Variants in PLPPR2 observed in about 807,000 individuals in gnomAD.
PLPPR2 encodes the protein phospholipid phosphatase-related protein type 2.
A neutral mutation model predicts 40.3 loss-of-function variants in PLPPR2; 11 were observed. The ratio of observed to expected loss-of-function variants is 0.27; its 90% CI spans 0.17 to 0.45. The LOEUF (loss-of-function observed/expected upper bound fraction) is 0.45, where lower values mean the gene tolerates loss of function less well. PLPPR2 is among the 20% of genes least tolerant of loss of function. The pLI is 1.00. For synonymous variants in PLPPR2, 260 were observed against 290.8 expected, an observed-to-expected ratio of 0.89 and a Z score of 1.08; for missense variants, 497 against 640.7, an observed-to-expected ratio of 0.78 and a Z score of 2.42.
chr19:11,360,147 A>G (rs915255287), intron 5 of PLPPR2, among the ~76,000 whole-genome samples, 191 bp downstream of exon 5: 10 of 152,164 alleles, frequency 6.6e-5, no homozygotes, highest in African/African-American at 2.4e-4. Flanking sequence ...CCTGGCCAAC[A>G]TGGCGAAACC....
intron 2 of PLPPR2, 100 bp from the exon 3 acceptor site, chr19:11,357,560 T>G: frequency 1.3e-6 from 1 of 756,874 alleles, no homozygotes. Flanking sequence ...GGGCCAGGGG[T>G]GTGGCCAAAG....
chr19:11,364,351 G>C lies in PLPPR2; in HGVS notation c.1020G>C (p.Ser340=), dbSNP rs146880923. Residue 340 remains serine, a synonymous_variant, in exon 10 of 10, where the codon TCG becomes TCC. Transcript: ENST00000688289. The surrounding 1 kb of genome is among the most constrained non-coding windows in gnomAD (Gnocchi z 5.8). ...STPARLTPSK[S]QNCARRGHLI... ...TATCTGGCTTCTGACCACCAGAGTC[G>C]CAGAACTGCGCCCGCCGTGGCCACC... The C allele has an allele frequency of 6.6e-7, 1 of 1,515,680 alleles. No individual in the cohort carries two copies. The highest frequency in any genetic ancestry group is 1.4e-5 in the African/African-American group (1 of 71,700). The allele number at this position is 1,515,680 out of a possible 1,614,324, so 93.9% of individuals were successfully genotyped here. A position where few individuals can be genotyped will look rare whatever the true frequency, so the allele number is the denominator to read the frequency against.
Position 11,364,132 on chromosome 19 carries a change from A to G in PLPPR2, c.964-29A>G, listed in dbSNP as rs1231817050. 1.2e-6 allele frequency: 2 copies of G among 1,600,414 alleles called. No homozygotes were observed. Among genetic ancestry groups the G allele is most frequent in the African/African-American group, 1.3e-5 (1 of 74,566 alleles). Reference sequence around the variant, plus strand: ...GGCCGGTAGGGCCCAGGGGGCCACTAGCCCCTTCCGTCTGTCTCTTTGTCT... The same window carrying G: ...GGCCGGTAGGGCCCAGGGGGCCACTGGCCCCTTCCGTCTGTCTCTTTGTCT... On this transcript the variant is annotated intron_variant, in intron 8 of 9. Transcript: ENST00000688289. This position sits in a 1 kb window ranked among gnomAD's most constrained non-coding sequence, Gnocchi z 5.8.
chr19:11,362,793 T>C lies in PLPPR2; in HGVS notation c.840+104T>C. ...AGAAGGGTGTGGACTCTGTGTGACCTTGGGCCAATCCCTTAACATTACCCT... is the reference window on the plus strand; with the variant it reads ...AGAAGGGTGTGGACTCTGTGTGACCCTGGGCCAATCCCTTAACATTACCCT... On this transcript the variant is annotated intron_variant, in intron 7 of 9. Coordinates refer to ENST00000688289, the MANE Select transcript of PLPPR2 (RefSeq NM_001393892.1). This position sits in a 1 kb window ranked among gnomAD's most constrained non-coding sequence, Gnocchi z 5.3. 1 of 1,273,948 alleles carries C rather than the reference T, an allele frequency of 7.8e-7. No homozygotes were observed. The highest frequency in any genetic ancestry group is 1.1e-6 in the Non-Finnish European group (1 of 929,770). 78.9% of individuals were successfully genotyped at this position (1,273,948 alleles called of 1,614,324 possible). A position where few individuals can be genotyped will look rare whatever the true frequency, so the allele number is the denominator to read the frequency against.
At position 11,357,747 on chromosome 19, in the gene PLPPR2, C is replaced by A. The variant is rs746653417; in HGVS notation, c.66+8C>A. ...TGCTTTGTCTTCGTGGAGGTGAGGA[C>A]CCCCGTACCTCTCCCAGAGACGGCG... On this transcript the variant is annotated splice_region_variant and intron_variant, in intron 3 of 9. Coordinates refer to ENST00000688289, the MANE Select transcript of PLPPR2 (RefSeq NM_001393892.1). The A allele has an allele frequency of 2.7e-5, 43 of 1,595,182 alleles. No individual in the cohort carries two copies. Among genetic ancestry groups the A allele is most frequent in the African/African-American group, 1.5e-4 (11 of 74,234 alleles).
intron 1 of PLPPR2, among the ~76,000 whole-genome samples, chr19:11,356,284 C>T (rs952681007): frequency 1.3e-5 from 2 of 151,648 alleles, no homozygotes; most frequent in East Asian, 1.9e-4. Context: ...GGGGGTGTGA[C>T]GCTGTGATGA....
rs1009463837 is a variant in PLPPR2 at position 11,363,862 on chromosome 19, G to C, written c.963+27G>C. The C allele has an allele frequency of 1.2e-6, 2 of 1,605,844 alleles. No homozygotes were observed. Among genetic ancestry groups the C allele is most frequent in the Non-Finnish European group, 1.7e-6 (2 of 1,175,380 alleles). Reference sequence around the variant, plus strand: ...TAAGGGGGGCCGGGGGCTGCTCCCGGCTGGAGAGGGTGGTGGGTGGAGGGG... The same window carrying C: ...TAAGGGGGGCCGGGGGCTGCTCCCGCCTGGAGAGGGTGGTGGGTGGAGGGG... On this transcript the variant is annotated intron_variant, in intron 8 of 9. Transcript: ENST00000688289. The surrounding 1 kb of genome is among the most constrained non-coding windows in gnomAD (Gnocchi z 4.8).
intron 3 of PLPPR2, among the ~76,000 whole-genome samples, chr19:11,357,997 A>G (rs541994494): frequency 1.3e-5 from 2 of 152,046 alleles, no homozygotes; most frequent in Admixed American, 6.6e-5. Context: ...TAAAATGGAC[A>G]TCACCAGAGT....
rs1371614167 is a variant in PLPPR2 at position 11,364,457 on chromosome 19, C to T, written c.1126C>T (p.Pro376Ser). The change falls in exon 10 of 10, where the codon CCG becomes TCG. Residue 376 changes from proline (P) to serine (S), a missense_variant. By Grantham distance (74) the Pro-to-Ser change is moderately conservative. Coordinates refer to ENST00000688289, the MANE Select transcript of PLPPR2 (RefSeq NM_001393892.1). This position sits in a 1 kb window ranked among gnomAD's most constrained non-coding sequence, Gnocchi z 5.8. ...GCCCCGTCCTCGATTGAGGTCTGAG[C>T]CGACGCCCTTGCCCCTGCCCCTACC... ...RVPRPRLRSE[P>S]TPLPLPLPLP... 9 of 1,514,366 alleles carry T rather than the reference C, an allele frequency of 5.9e-6. No homozygotes were observed. The highest frequency in any genetic ancestry group is 7.9e-6 in the Non-Finnish European group (9 of 1,137,960). 93.8% of individuals were successfully genotyped at this position (1,514,366 alleles called of 1,614,324 possible).
In PLPPR2 at chr19:11,361,629, T is replaced by C; in HGVS notation, c.663+141T>C. On this transcript the variant is annotated intron_variant, in intron 6 of 9. Coordinates refer to ENST00000688289, the MANE Select transcript of PLPPR2 (RefSeq NM_001393892.1). The surrounding 1 kb of genome is among the most constrained non-coding windows in gnomAD (Gnocchi z 6.3). ...AGCTCTCGCTCCACGCCCCGACCTG[T>C]TGGAAGCTCTCCCTCCTCCTCCCAG... The C allele has an allele frequency of 1.7e-6, 2 of 1,204,716 alleles. No homozygotes were observed. Among genetic ancestry groups the C allele is most frequent in the South Asian group, 3.1e-5 (2 of 63,948 alleles). The allele number at this position is 1,204,716 out of a possible 1,614,324, so 74.6% of individuals were successfully genotyped here.
At position 11,364,322 on chromosome 19, in the gene PLPPR2, CT is replaced by C; in HGVS notation, c.1016-24del. ...GCTGCCTCCCGAGTTTTCTGATCCC[CT>C]GATATCTGGCTTCTGACCACCAGAG... On this transcript the variant is annotated intron_variant, in intron 9 of 9. Coordinates refer to ENST00000688289, the MANE Select transcript of PLPPR2 (RefSeq NM_001393892.1). The surrounding 1 kb of genome is among the most constrained non-coding windows in gnomAD (Gnocchi z 5.8). 1.3e-6 allele frequency: 2 copies of C among 1,520,724 alleles called. No homozygotes were observed. Among genetic ancestry groups the C allele is most frequent in the Middle Eastern group, 1.8e-4 (1 of 5,618 alleles). 94.2% of individuals were successfully genotyped at this position (1,520,724 alleles called of 1,614,324 possible).
chr19:11,364,487 C>T lies in PLPPR2; in HGVS notation c.1156C>T (p.Pro386Ser), dbSNP rs1380149893. ...PTPLPLPLPL[P>S]APTPSQGPSP... ...GCCCTTGCCCCTGCCCCTACCCCTG[C>T]CAGCGCCCACCCCCAGCCAGGGCCC... The change falls in exon 10 of 10, where the codon CCA (proline) becomes TCA (serine). Residue 386 changes from proline (P) to serine (S), a missense_variant. Transcript: ENST00000688289. The surrounding 1 kb of genome is among the most constrained non-coding windows in gnomAD (Gnocchi z 5.8). 1.2e-5 allele frequency: 18 copies of T among 1,515,832 alleles called. No homozygotes were observed. Among genetic ancestry groups the T allele is most frequent in the Non-Finnish European group, 1.5e-5 (17 of 1,136,892 alleles). The allele number at this position is 1,515,832 out of a possible 1,614,324, so 93.9% of individuals were successfully genotyped here.
chr19:11,356,279 T>C (rs1183929488), intron 1 of PLPPR2, among the ~76,000 whole-genome samples: 1 of 151,502 alleles, frequency 6.6e-6, no homozygotes, highest in Non-Finnish European at 1.5e-5. Flanking sequence ...TAATTGGGGG[T>C]GTGACGCTGT....
Position 11,364,474 on chromosome 19 carries a change from GC to G in PLPPR2, c.1147del (p.Leu383TyrfsTer45). 6.6e-7 allele frequency: 1 copy of G among 1,517,230 alleles called. No homozygotes were observed. The highest frequency in any genetic ancestry group is 8.8e-7 in the Non-Finnish European group (1 of 1,138,334). 94.0% of individuals were successfully genotyped at this position (1,517,230 alleles called of 1,614,324 possible). A position where few individuals can be genotyped will look rare whatever the true frequency, so the allele number is the denominator to read the frequency against. The part of the protein sequence containing the change: ...LRSEPTPLPL[P>X]LPLPAPTPSQ... ...GGTCTGAGCCGACGCCCTTGCCCCT[GC>G]CCCTACCCCTGCCAGCGCCCACCCC... On this transcript the variant is annotated frameshift_variant, in exon 10 of 10. Coordinates refer to ENST00000688289, the MANE Select transcript of PLPPR2 (RefSeq NM_001393892.1). LOFTEE classifies it high-confidence loss of function. The surrounding 1 kb of genome is among the most constrained non-coding windows in gnomAD (Gnocchi z 5.8).
intron 3 of PLPPR2, among the ~76,000 whole-genome samples, chr19:11,358,064 C>T (rs149018993): frequency 6.7e-6 from 1 of 150,132 alleles, no homozygotes; most frequent in Non-Finnish European, 1.5e-5. Flanking sequence ...TGTGTGTGTA[C>T]GTGTGTTTGA....
Position 11,357,672 on chromosome 19 carries a change from C to A in PLPPR2, c.-2C>A. 1 of 1,605,600 alleles carries A rather than the reference C, an allele frequency of 6.2e-7. No homozygotes were observed. Among genetic ancestry groups the A allele is most frequent in the Admixed American group, 1.7e-5 (1 of 58,922 alleles). ...CCCACCTCTGCAGGCCTGGCCTTCA[C>A]CATGGCGGGAGGGAGACCGCATCTG... On this transcript the variant is annotated 5_prime_UTR_variant, in exon 3 of 10. Transcript: ENST00000688289.
rs1015660661 is a variant in PLPPR2 at position 11,361,389 on chromosome 19, G to C, written c.564G>C (p.Gln188His). Reference protein sequence around the residue: ...RPGPDRFVTDQGACAGSPSLV... With the variant: ...RPGPDRFVTDHGACAGSPSLV... ...GTCCCGACCGCTTTGTCACTGACCA[G>C]GGTGCCTGCGCTGGCAGTCCCAGCC... The change falls in exon 6 of 10, where the codon CAG becomes CAC. Residue 188 changes from glutamine to histidine, a missense_variant. Gln to His is a conservative substitution (Grantham distance 24). Coordinates refer to ENST00000688289, the MANE Select transcript of PLPPR2 (RefSeq NM_001393892.1). The surrounding 1 kb of genome is among the most constrained non-coding windows in gnomAD (Gnocchi z 6.3). 8.7e-6 allele frequency: 14 copies of C among 1,610,706 alleles called. No homozygotes were observed. Among genetic ancestry groups the C allele is most frequent in the Non-Finnish European group, 1.2e-5 (14 of 1,179,838 alleles).
At position 11,364,551 on chromosome 19, in the gene PLPPR2, G is replaced by A. The variant is rs1286664637; in HGVS notation, c.1220G>A (p.Gly407Asp). 3.3e-6 allele frequency: 5 copies of A among 1,536,702 alleles called. No individual in the cohort carries two copies. Among genetic ancestry groups the A allele is most frequent in the African/African-American group, 2.7e-5 (2 of 73,148 alleles). ...CCTGGACCTGGGGGGCCAGGCGGGGGTGGTGGACGTGGCCGGAAGCTGCTG... is the reference window on the plus strand; with the variant it reads ...CCTGGACCTGGGGGGCCAGGCGGGGATGGTGGACGTGGCCGGAAGCTGCTG... ...SSPGPGGPGG[G>D]GGRGRKLLLP... is the part of the protein sequence containing the mutation. The change falls in exon 10 of 10, where the codon GGT (glycine) becomes GAT (aspartate). Residue 407 changes from glycine to aspartate, a missense_variant. Transcript: ENST00000688289. The surrounding 1 kb of genome is among the most constrained non-coding windows in gnomAD (Gnocchi z 5.8).
In PLPPR2 at chr19:11,362,340, T is replaced by C; in HGVS notation, c.664-173T>C. 1.8e-6 allele frequency: 1 copy of C among 568,898 alleles called. No individual in the cohort carries two copies. The highest frequency in any genetic ancestry group is 3.0e-6 in the Non-Finnish European group (1 of 334,930). The allele number at this position is 568,898 out of a possible 1,614,324, so 35.2% of individuals were successfully genotyped here. On this transcript the variant is annotated intron_variant, in intron 6 of 9. Transcript: ENST00000688289. This position sits in a 1 kb window ranked among gnomAD's most constrained non-coding sequence, Gnocchi z 5.3. The stretch of plus-strand genomic sequence containing the variant: ...CCTGACCCCCCCCCCTTTGCCTTTT[T>C]GGTCACGCTCCCTGGAAAAGCCCAC...
Sources: gnomAD v4.1 joint callset for allele counts (sites outside exome capture counted in the v4.1 genomes callset) on GRCh38, gnomAD v4.1.1 for gene constraint, Gnocchi (gnomAD v3.1) non-coding constraint, MANE v1.5 for transcripts, NCBI Gene and HGNC (gene_info 2026-07-23, HGNC 2026-07-21) for gene names.